The following DLG2 variants were observed in gnomAD, a reference collection of about 807,000 sequenced individuals.
DLG2 encodes the protein discs large MAGUK scaffold protein 2, also known as disks large homolog 2.
A neutral mutation model predicts 132.5 loss-of-function variants in DLG2; 45 were observed. That is an observed-to-expected ratio of 0.34 (90% confidence interval 0.27 to 0.44). The LOEUF (loss-of-function observed/expected upper bound fraction) is 0.44. Among genes scored for constraint, DLG2 ranks in the 20% least tolerant of loss-of-function variants. The pLI, the probability that DLG2 is intolerant of heterozygous loss-of-function variation, is 1.00. For missense variants in DLG2, 1,045 were observed against 1,196.9 expected (o/e 0.87, Z 1.87); for synonymous variants, 424 against 419.6 (o/e 1.01, Z -0.13).
intron 8 of DLG2, among the ~76,000 whole-genome samples, chr11:84,196,190 T>A (rs1275354535): frequency 6.6e-6 from 1 of 152,194 alleles, no homozygotes; most frequent in Non-Finnish European, 1.5e-5. Context: ...CAGCATTAAA[T>A]AAGTGTCGAG....
chr11:84,663,554 C>T (rs2099696951), intron 6 of DLG2, among the ~76,000 whole-genome samples: 1 of 152,096 alleles, frequency 6.6e-6, no homozygotes, highest in Non-Finnish European at 1.5e-5. Context: ...AGGGCAGGAA[C>T]ACAGGATATT....
At chr11:85,177,438 CAT>C (rs2079370799) in intron 4 of DLG2, among the ~76,000 whole-genome samples, 1 of 152,034 alleles carries the variant, frequency 6.6e-6, no homozygotes, top group Non-Finnish European at 1.5e-5. Flanking sequence ...CCAAATACCA[CAT>C]GTTCTCACTT....
chr11:85,060,977 C>T (rs534791064), intron 6 of DLG2, among the ~76,000 whole-genome samples: 2 of 151,512 alleles, frequency 1.3e-5, no homozygotes, highest in African/African-American at 2.4e-5. Context: ...ACTTGCATTT[C>T]GCTGATGGTT....
intron 8 of DLG2, among the ~76,000 whole-genome samples, chr11:84,241,607 A>G (rs1242998599): frequency 1.3e-5 from 2 of 152,154 alleles, no homozygotes; most frequent in Non-Finnish European, 2.9e-5. Flanking sequence ...AGAAGAAAAA[A>G]AAAACCCACC....
At chr11:85,461,272 T>C (rs980727618) in intron 3 of DLG2, among the ~76,000 whole-genome samples, 12 of 152,230 alleles carry the variant, frequency 7.9e-5, no homozygotes, top group Admixed American at 2.6e-4. Context: ...GTTTATTATA[T>C]ACTCCATTTG....
In DLG2 at chr11:85,220,629, G is replaced by GA. The variant is rs568361391; in HGVS notation, c.186+64590dup. ...AGAGACAAGTTTATTATATCAAATA[G>GA]AAAAAAAAATATATATATATATATA... On this transcript the variant is annotated intron_variant, in intron 4 of 27. Coordinates refer to ENST00000376104, the MANE Select transcript of DLG2 (RefSeq NM_001142699.3). 3.0e-3 allele frequency among the ~76,000 whole-genome samples: 428 copies of GA among 144,510 alleles called. 6 individuals are homozygous for GA. The highest frequency in any genetic ancestry group is 0.016 in the East Asian group (81 of 4,942). The allele number at this position is 144,510 out of a possible 152,430, so 94.8% of individuals were successfully genotyped here.
At chr11:84,329,227 A>G (rs1278286784) in intron 7 of DLG2, among the ~76,000 whole-genome samples, 1 of 152,196 alleles carries the variant, frequency 6.6e-6, no homozygotes, top group African/African-American at 2.4e-5. Flanking sequence ...TCACAATATA[A>G]TTATTATTTC....
chr11:85,045,222 A>C (rs1201906644), intron 6 of DLG2, among the ~76,000 whole-genome samples: 1 of 151,964 alleles, frequency 6.6e-6, no homozygotes. Context: ...GAGGGTGGAG[A>C]GGTAGTCTGC....
chr11:85,404,874 A>T (rs182024352), intron 3 of DLG2, among the ~76,000 whole-genome samples: 60 of 152,058 alleles, frequency 3.9e-4, no homozygotes, highest in African/African-American at 1.4e-3. Context: ...AGAGGCTGTG[A>T]AAAGGAAAGT....
At chr11:84,810,945 G>C (rs1461480655) in intron 6 of DLG2, among the ~76,000 whole-genome samples, 1 of 152,086 alleles carries the variant, frequency 6.6e-6, no homozygotes, top group African/African-American at 2.4e-5. Flanking sequence ...GTAGAGAAGG[G>C]GGTGTGGCAA....
intron 7 of DLG2, among the ~76,000 whole-genome samples, chr11:84,473,020 C>G (rs1314912329): frequency 6.6e-6 from 1 of 151,840 alleles, no homozygotes; most frequent in Non-Finnish European, 1.5e-5. Context: ...AATGCCAAAG[C>G]TAGAAGGAAC....
At chr11:84,585,819 T>C (rs2099528340) in intron 6 of DLG2, among the ~76,000 whole-genome samples, 1 of 152,236 alleles carries the variant, frequency 6.6e-6, no homozygotes, top group Admixed American at 6.5e-5. Flanking sequence ...GTTTAAATCT[T>C]CTGTAACTTT....
At chr11:84,802,263 G>A (rs1472965855) in intron 6 of DLG2, among the ~76,000 whole-genome samples, 1 of 152,074 alleles carries the variant, frequency 6.6e-6, no homozygotes, top group East Asian at 1.9e-4. Context: ...TTATGGATAG[G>A]AAATAGGAAT....
chr11:84,520,930 C>T (rs2099296605), intron 7 of DLG2, among the ~76,000 whole-genome samples: 1 of 152,178 alleles, frequency 6.6e-6, no homozygotes, highest in Middle Eastern at 3.2e-3. Flanking sequence ...TGATGCCATG[C>T]CTAGCTCTTA....
At chr11:85,456,738 A>C (rs1323674717) in intron 3 of DLG2, among the ~76,000 whole-genome samples, 1 of 152,116 alleles carries the variant, frequency 6.6e-6, no homozygotes, top group Non-Finnish European at 1.5e-5. Flanking sequence ...AAAATCATTC[A>C]AGAGTAGGTT....
chr11:85,033,386 C>CAAAAA (rs750024023), intron 6 of DLG2, among the ~76,000 whole-genome samples: 7 of 80,826 alleles, frequency 8.7e-5, no homozygotes, highest in East Asian at 3.4e-4. Flanking sequence ...TATATCCTAG[C>CAAAAA]AAAAAAAAAA....
At chr11:83,783,028 A>T (rs1289627130) in intron 18 of DLG2, among the ~76,000 whole-genome samples, 5 of 152,204 alleles carry the variant, frequency 3.3e-5, no homozygotes, top group Non-Finnish European at 7.3e-5. Flanking sequence ...CAATGTATGT[A>T]ATCCTCTTGA....
chr11:84,728,070 A>C (rs2062704376), intron 6 of DLG2, among the ~76,000 whole-genome samples: 1 of 152,112 alleles, frequency 6.6e-6, no homozygotes, highest in Admixed American at 6.5e-5. Flanking sequence ...TCCTATCTGA[A>C]TACCCTTTAT....
chr11:84,541,938 G>A (rs1338151290), intron 6 of DLG2, among the ~76,000 whole-genome samples: 3 of 152,146 alleles, frequency 2.0e-5, no homozygotes, highest in African/African-American at 7.2e-5. Flanking sequence ...AATCTTACAT[G>A]TGCCTGATCT....
Sources: allele counts gnomAD v4.1 joint callset (sites outside exome capture counted in the v4.1 genomes callset), GRCh38; gene constraint gnomAD v4.1.1; transcripts MANE v1.5; gene names NCBI Gene and HGNC (gene_info 2026-07-23, HGNC 2026-07-21).